HPS1: variants seen among roughly 807,000 people sequenced by gnomAD.
HPS1 encodes the protein HPS1 biogenesis of lysosomal organelles complex 3 subunit 1.
In HPS1, 59 loss-of-function variants were observed where a neutral mutation model predicts 90.6. The observed-to-expected ratio is 0.65, with a 90% CI of 0.53 to 0.81. The LOEUF is 0.81. Ranked by LOEUF, HPS1 falls within the 30% of genes least tolerant of loss-of-function variation. The probability of loss-of-function intolerance (pLI) is 0.00; values close to 1 mark genes in which losing one functional copy is unlikely to be tolerated. For synonymous variants in HPS1, 388 were observed against 384.4 expected, an observed-to-expected ratio of 1.01 and a Z score of -0.11; for missense variants, 849 against 896.7, an observed-to-expected ratio of 0.95 and a Z score of 0.68.
intron 14 of HPS1, 119 bp from the exon 15 acceptor site, chr10:98,424,006 T>A: frequency 7.3e-7 from 1 of 1,374,036 alleles, no homozygotes; most frequent in Non-Finnish European, 1.0e-6. Flanking sequence ...TTCCCCCTTG[T>A]GGACCACCCC....
intron 17 of HPS1, among the ~76,000 whole-genome samples, chr10:98,422,081 ACAGT>A: frequency 6.6e-6 from 1 of 152,180 alleles, no homozygotes. Context: ...GTCATGAAAA[ACAGT>A]CAGTTAAATA....
intron 18 of HPS1, 33 bp downstream of exon 18, chr10:98,420,010 GGC>G: frequency 7.9e-7 from 1 of 1,266,566 alleles, no homozygotes; most frequent in Non-Finnish European, 1.2e-6. Context: ...AAGTGTGTGT[GGC>G]CCGTCCTGGC....
At position 98,429,587 on chromosome 10, in the gene HPS1, C is replaced by T. The variant is rs771954133; in HGVS notation, c.923G>A (p.Gly308Asp). 6.2e-7 allele frequency: 1 copy of T among 1,614,186 alleles called. No homozygotes were observed. Among genetic ancestry groups the T allele is most frequent in the South Asian group, 1.1e-5 (1 of 91,084 alleles). Residue 308 changes from glycine (G) to aspartate (D), a missense_variant, in exon 10 of 20, where the codon GGC becomes GAC. Coordinates refer to ENST00000361490, the MANE Select transcript of HPS1 (RefSeq NM_000195.5). Reference sequence around the variant, plus strand: ...CCGGTCCTCACCTGAGCTCTGATCGCCAGGGGAAGGAGCTGGTGTGAAGTA... The same window carrying T: ...CCGGTCCTCACCTGAGCTCTGATCGTCAGGGGAAGGAGCTGGTGTGAAGTA... ...EEYFTPAPSP[G>D]DQSSGSTIWL...
At chr10:98,419,902 C>G (rs1399212532) in intron 18 of HPS1, 143 bp downstream of exon 18, 6 of 740,140 alleles carry the variant, frequency 8.1e-6, no homozygotes, top group Non-Finnish European at 7.5e-6. Flanking sequence ...CCTCTGAACT[C>G]TGGCTCCCAA....
intron 3 of HPS1, among the ~76,000 whole-genome samples, chr10:98,438,372 T>A (rs1937757328): frequency 1.3e-5 from 2 of 152,150 alleles, no homozygotes; most frequent in South Asian, 2.1e-4. Context: ...ATTCTGATAG[T>A]GATATGGACA....
rs758313132 is a variant in HPS1 at position 98,435,357 on chromosome 10, G to A, written c.313C>T (p.Leu105=). 2 of 1,613,968 alleles carry A rather than the reference G, an allele frequency of 1.2e-6. No homozygotes were observed. The highest frequency in any genetic ancestry group is 1.1e-5 in the South Asian group (1 of 91,054). ...TTGAGCACATACAGCTTCCGCCGCA[G>A]GTCCCCCTCGCTCTCGGTGTGGTCA... is the stretch of plus-strand genomic sequence containing the variant. The part of the protein sequence containing the change: ...NGDHTESEGD[L]RRKLYVLKYL... The change falls in exon 5 of 20, where the codon CTG becomes TTG. Residue 105 remains leucine (L), a synonymous_variant. Coordinates refer to ENST00000361490, the MANE Select transcript of HPS1 (RefSeq NM_000195.5). This position sits in a 1 kb window ranked among gnomAD's most constrained non-coding sequence, Gnocchi z 4.3.
intron 3 of HPS1, among the ~76,000 whole-genome samples, chr10:98,437,887 G>A (rs1937647093): frequency 6.6e-6 from 1 of 152,182 alleles, no homozygotes; most frequent in Non-Finnish European, 1.5e-5. Flanking sequence ...AGACCTGGTG[G>A]AGATAACTGA....
intron 7 of HPS1, 148 bp from the exon 8 acceptor site, chr10:98,430,818 C>T (rs751984022): frequency 1.8e-5 from 13 of 734,866 alleles, no homozygotes; most frequent in African/African-American, 5.2e-5. Flanking sequence ...TTAATTAACT[C>T]GTCAAATTTC....
rs895627584 is a variant in HPS1, at chr10:98,431,175, A to C, written c.624T>G (p.His208Gln). Reference sequence around the variant, plus strand: ...GCTTGGAGTGCACGAGCAGGAAGGCATGCAGGGCCTCCTCGCCTCCCCGCT... The same window carrying C: ...GCTTGGAGTGCACGAGCAGGAAGGCCTGCAGGGCCTCCTCGCCTCCCCGCT... ...SPERGGEEAL[H>Q]AFLLVHSKLL... Residue 208 changes from histidine to glutamine, a missense_variant, in exon 7 of 20, where the codon CAT (histidine) becomes CAG (glutamine). Coordinates refer to ENST00000361490, the MANE Select transcript of HPS1 (RefSeq NM_000195.5). 6.2e-6 allele frequency: 10 copies of C among 1,614,048 alleles called. No homozygotes were observed. The highest frequency in any genetic ancestry group is 8.5e-6 in the Non-Finnish European group (10 of 1,180,034).
At chr10:98,421,106 G>C (rs1362548744) in intron 17 of HPS1, among the ~76,000 whole-genome samples, 1 of 152,240 alleles carries the variant, frequency 6.6e-6, no homozygotes, top group Non-Finnish European at 1.5e-5. Flanking sequence ...TCTCAGGGCT[G>C]GGAAGAGACT....
rs538837544 is a variant in HPS1, at chr10:98,423,592, C to T, written c.1598+11G>A. ...CTTGTTGGGCTGGCTGGGGCCCCGGCGTCAGGATATGACACCATGGTGATG... is the reference window on the plus strand; with the variant it reads ...CTTGTTGGGCTGGCTGGGGCCCCGGTGTCAGGATATGACACCATGGTGATG... On this transcript the variant is annotated intron_variant, in intron 16 of 19. Transcript: ENST00000361490. 44 of 1,613,374 alleles carry T rather than the reference C, an allele frequency of 2.7e-5. No homozygotes were observed. In the Admixed American group the frequency reaches 4.2e-4, roughly 15 times the overall value.
chr10:98,431,076 G>C, intron 7 of HPS1, 55 bp downstream of exon 7: 1 of 1,578,332 alleles, frequency 6.3e-7, no homozygotes, highest in Non-Finnish European at 8.7e-7. Flanking sequence ...GAGGCCATAG[G>C]GGAGTGAGAA....
At chr10:98,415,193 C>A, downstream of HPS1, 1 of 1,580,650 alleles carries the variant, frequency 6.3e-7, no homozygotes, top group Non-Finnish European at 8.6e-7. Flanking sequence ...GGCTTTTGTG[C>A]TGCCCTAGGC....
rs372189642 is a variant in HPS1, at chr10:98,417,610, T to C, written c.2057A>G (p.Gln686Arg). 4.6e-5 allele frequency: 74 copies of C among 1,612,174 alleles called. No individual in the cohort carries two copies. Among genetic ancestry groups the C allele is most frequent in the Non-Finnish European group, 6.0e-5 (71 of 1,179,444 alleles). Residue 686 changes from glutamine (Q) to arginine (R), a missense_variant, in exon 20 of 20, where the codon CAG becomes CGG. Transcript: ENST00000361490. The surrounding 1 kb of genome is among the most constrained non-coding windows in gnomAD (Gnocchi z 4.2). ...PTDLLVQQAGQLARRLWEASR... is the reference protein window; with the variant it reads ...PTDLLVQQAGRLARRLWEASR... Reference sequence around the variant, plus strand: ...GGCCTCCCAGAGGCGCCGGGCCAGCTGGCCGGCCTGCTGCACCAGCAGGTC... The same window carrying C: ...GGCCTCCCAGAGGCGCCGGGCCAGCCGGCCGGCCTGCTGCACCAGCAGGTC...
intron 2 of HPS1, among the ~76,000 whole-genome samples, chr10:98,444,438 C>T (rs553379609): frequency 6.6e-6 from 1 of 152,334 alleles, no homozygotes; most frequent in Non-Finnish European, 1.5e-5. Flanking sequence ...CTGGTGAGGA[C>T]AGTGCTCCAG....
At position 98,435,411 on chromosome 10, in the gene HPS1, C is replaced by T; in HGVS notation, c.259G>A (p.Gly87Arg). ...TTGATGGCAATGAACAGGCATTCTC[C>T]AAACTGCAGGCACAGGCAGGCCAGT... The part of the protein sequence containing the change: ...GNFLYVLHLF[G>R]ECLFIAINGD... Residue 87 changes from glycine (G) to arginine (R), a missense_variant, in exon 5 of 20, where the codon GGA becomes AGA. Transcript: ENST00000361490. This position sits in a 1 kb window ranked among gnomAD's most constrained non-coding sequence, Gnocchi z 4.3. 1 of 1,613,884 alleles carries T rather than the reference C, an allele frequency of 6.2e-7. No individual in the cohort carries two copies. The highest frequency in any genetic ancestry group is 8.5e-7 in the Non-Finnish European group (1 of 1,180,022).
At chr10:98,426,889 T>G (rs1845679308) in intron 11 of HPS1, among the ~76,000 whole-genome samples, 1 of 152,070 alleles carries the variant, frequency 6.6e-6, no homozygotes, top group Non-Finnish European at 1.5e-5. Context: ...TACTTTTGTA[T>G]TTCCCGATTT....
At chr10:98,441,088 A>T (rs190488473) in intron 3 of HPS1, among the ~76,000 whole-genome samples, 1,768 of 152,308 alleles carry the variant, frequency 0.012, 12 homozygotes, top group South Asian at 0.022. Context: ...CAGCTCACTC[A>T]TTGGCTGGAT....
rs145042327 is a variant in HPS1, at chr10:98,429,871, G to C, written c.787C>G (p.Arg263Gly). 2 of 1,612,324 alleles carry C rather than the reference G, an allele frequency of 1.2e-6. No homozygotes were observed. Among genetic ancestry groups the C allele is most frequent in the South Asian group, 1.1e-5 (1 of 91,074 alleles). ...TGCACGGGGATGTTCTGGCTGCTCC[G>C]GGCCCTCCGCGGGGAAGGCTGTGCA... ...DDIQPSPRRARSSQNIPVQQA... is the reference protein window; with the variant it reads ...DDIQPSPRRAGSSQNIPVQQA... Residue 263 changes from arginine to glycine, a missense_variant, in exon 9 of 20, where the codon CGG becomes GGG. Transcript: ENST00000361490.
Sources: allele counts gnomAD v4.1 joint callset (sites outside exome capture counted in the v4.1 genomes callset), GRCh38; gene constraint gnomAD v4.1.1; non-coding constraint Gnocchi (gnomAD v3.1); transcripts MANE v1.5; gene names NCBI Gene and HGNC (gene_info 2026-07-23, HGNC 2026-07-21).